MYO1E: variants seen among roughly 807,000 people sequenced by gnomAD.
MYO1E encodes the protein unconventional myosin-Ie.
MYO1E carries 68 observed loss-of-function variants against 151.1 expected under a neutral mutation model. That is an observed-to-expected ratio of 0.45 (90% confidence interval 0.37 to 0.55). MYO1E has a LOEUF of 0.55. MYO1E is among the 20% of genes least tolerant of loss of function. The pLI is 0.00. For missense variants in MYO1E, 1,363 were observed against 1,389.3 expected (o/e 0.98, Z 0.30); for synonymous variants, 601 against 501.7 (o/e 1.20, Z -2.64).
chr15:59,253,901 CTTT>C (rs34819314), intron 4 of MYO1E, among the ~76,000 whole-genome samples: 2 of 135,818 alleles, frequency 1.5e-5, no homozygotes, highest in South Asian at 2.4e-4. Context: ...GACAAACAAC[CTTT>C]TTTTTTTTTT....
In MYO1E at chr15:59,272,474, C is replaced by T. The variant is rs1421924961; in HGVS notation, c.4-25G>A. On this transcript the variant is annotated intron_variant, in intron 1 of 27. Coordinates refer to ENST00000288235, the MANE Select transcript of MYO1E (RefSeq NM_004998.4). ...CCTGGGAACATAAAACATACAATTA[C>T]TAGGATAGTTTGTTTTCCCCTGTAG... The T allele has an allele frequency of 6.8e-6, 11 of 1,613,162 alleles. No homozygotes were observed. The South Asian group carries it at 8.8e-5, about 13-fold the overall frequency.
intron 9 of MYO1E, among the ~76,000 whole-genome samples, chr15:59,221,971 G>A (rs575273897): frequency 1.4e-3 from 213 of 152,250 alleles, no homozygotes; most frequent in Non-Finnish European, 2.7e-3. Flanking sequence ...AAATGTCAAG[G>A]ATAATGTACA....
chr15:59,178,677 G>A, intron 18 of MYO1E, 140 bp from the exon 19 acceptor site: 1 of 1,178,732 alleles, frequency 8.5e-7, no homozygotes, highest in Non-Finnish European at 1.2e-6. Flanking sequence ...AGCGTTCGAA[G>A]GCTCAGGCGT....
At chr15:59,167,305 C>T (rs1209201820) in intron 22 of MYO1E, among the ~76,000 whole-genome samples, 1 of 152,156 alleles carries the variant, frequency 6.6e-6, no homozygotes. Context: ...AACTTTTGGT[C>T]TCATCCTTCT....
intron 2 of MYO1E, 121 bp downstream of exon 2, chr15:59,272,185 C>T (rs1339685604): frequency 6.0e-6 from 7 of 1,157,462 alleles, no homozygotes; most frequent in Non-Finnish European, 9.1e-6. Context: ...GAACTCCTGC[C>T]TTAGCCTTCC....
At chr15:59,188,513 T>C (rs1467034931) in intron 17 of MYO1E, among the ~76,000 whole-genome samples, 4 of 151,990 alleles carry the variant, frequency 2.6e-5, no homozygotes, top group Non-Finnish European at 4.4e-5. Context: ...CTGGCCAACA[T>C]GGTGAAACCC....
At position 59,133,674 on chromosome 15, in the gene MYO1E, A is replaced by G. The variant is rs2079356520; in HGVS notation, c.*3706T>C. On this transcript the variant is annotated 3_prime_UTR_variant, in exon 28 of 28. Transcript: ENST00000288235. The stretch of plus-strand genomic sequence containing the variant: ...TCCTCTGGTCTTTCTTTTGATCACA[A>G]AAGTGAGGGGTGCCAGAAACACAGA... 2 of 152,254 alleles carry G rather than the reference A, an allele frequency of 1.3e-5. No homozygotes were observed. Among genetic ancestry groups the G allele is most frequent in the Admixed American group, 6.5e-5 (1 of 15,290 alleles). The allele number at this position is 152,254 out of a possible 1,614,324, so 9.4% of individuals were successfully genotyped here. A position where few individuals can be genotyped will look rare whatever the true frequency, so the allele number is the denominator to read the frequency against.
chr15:59,202,326 CT>C lies in MYO1E; in HGVS notation c.1697del (p.Lys566ArgfsTer8). On this transcript the variant is annotated frameshift_variant and splice_region_variant, in exon 16 of 28. Coordinates refer to ENST00000288235, the MANE Select transcript of MYO1E (RefSeq NM_004998.4). LOFTEE classifies it high-confidence loss of function. ...GRPTTAGSKI[K>X]KQANDLVSTL... Reference sequence around the variant, plus strand: ...ATAAACTTCCTAAAATAGAACTAACCTTTATTTTGCTTCCGGCAGTAGTTGG... The same window carrying C: ...ATAAACTTCCTAAAATAGAACTAACCTTATTTTGCTTCCGGCAGTAGTTGG... 6.2e-7 allele frequency: 1 copy of C among 1,613,248 alleles called. No individual in the cohort carries two copies. The highest frequency in any genetic ancestry group is 8.5e-7 in the Non-Finnish European group (1 of 1,179,170).
intron 26 of MYO1E, among the ~76,000 whole-genome samples, chr15:59,146,046 G>C (rs77173747): frequency 0.011 from 1,611 of 152,168 alleles, 25 homozygotes; most frequent in Middle Eastern, 0.045. Flanking sequence ...TAGAGACAAG[G>C]TCTTGCTATG....
At chr15:59,274,836 C>T (rs951755206) in intron 1 of MYO1E, among the ~76,000 whole-genome samples, 12 of 152,130 alleles carry the variant, frequency 7.9e-5, no homozygotes, top group Admixed American at 1.3e-4. Flanking sequence ...AAAGCACTCA[C>T]GGTAGAGTTC....
intron 26 of MYO1E, among the ~76,000 whole-genome samples, chr15:59,140,651 TCTCAGGAGCCACAG>T (rs1218483223): frequency 2.0e-4 from 31 of 152,298 alleles, no homozygotes; most frequent in Middle Eastern, 3.4e-3. Context: ...TGAGCTGTGC[TCTCAGGAGCCACAG>T]CCTGCTGGCC....
chr15:59,163,112 CT>C, intron 23 of MYO1E, 44 bp downstream of exon 23: 1 of 1,609,550 alleles, frequency 6.2e-7, no homozygotes, highest in East Asian at 2.2e-5. Context: ...ATCAAGACCC[CT>C]TTTTAGCTAC....
intron 26 of MYO1E, among the ~76,000 whole-genome samples, chr15:59,144,530 A>T (rs2079429478): frequency 6.6e-6 from 1 of 152,012 alleles, no homozygotes. Context: ...CCTGGGCTTA[A>T]GCGATCCTCC....
At chr15:59,191,552 G>C (rs1333920211) in intron 17 of MYO1E, among the ~76,000 whole-genome samples, 1 of 152,086 alleles carries the variant, frequency 6.6e-6, no homozygotes, top group Non-Finnish European at 1.5e-5. Context: ...TTCACGCCAA[G>C]CTTTCGAGGC....
chr15:59,309,644 T>C (rs907539883), intron 1 of MYO1E, among the ~76,000 whole-genome samples: 10 of 150,344 alleles, frequency 6.7e-5, no homozygotes, highest in Non-Finnish European at 1.5e-4. Context: ...TGCCATTCCC[T>C]GAGACATCTA....
chr15:59,221,097 C>A (rs2079953378), intron 9 of MYO1E, among the ~76,000 whole-genome samples: 2 of 148,768 alleles, frequency 1.3e-5, no homozygotes, highest in African/African-American at 5.0e-5. Context: ...TCGCTCGTTG[C>A]CCAGGGTTCA....
chr15:59,261,138 G>A lies in MYO1E; in HGVS notation c.237+282C>T, dbSNP rs12593382. Reference sequence around the variant, plus strand: ...TGAGGCAGGAGAATTGTTTGAACCCGGAAGGCGGAGGTTGCAGTGAGCGGA... The same window carrying A: ...TGAGGCAGGAGAATTGTTTGAACCCAGAAGGCGGAGGTTGCAGTGAGCGGA... On this transcript the variant is annotated intron_variant, in intron 3 of 27. Coordinates refer to ENST00000288235, the MANE Select transcript of MYO1E (RefSeq NM_004998.4). Among the ~76,000 whole-genome samples the A allele has an allele frequency of 0.17, 26,103 of 151,942 alleles. 2,883 individuals are homozygous for A. The highest frequency in any genetic ancestry group is 0.53 in the East Asian group (2,742 of 5,158).
At chr15:59,272,168 T>C (rs1346183093) in intron 2 of MYO1E, 138 bp downstream of exon 2, 3 of 903,050 alleles carry the variant, frequency 3.3e-6, no homozygotes, top group South Asian at 2.7e-5. Flanking sequence ...GTTGCCAGGA[T>C]GGTCTGGAAC....
chr15:59,272,202 C>G, intron 2 of MYO1E, 104 bp downstream of exon 2: 1 of 1,351,472 alleles, frequency 7.4e-7, no homozygotes, highest in Non-Finnish European at 1.1e-6. Context: ...TTCCAAAGTG[C>G]TGGGATTACA....
Sources: gnomAD v4.1 joint callset for allele counts (sites outside exome capture counted in the v4.1 genomes callset) on GRCh38, gnomAD v4.1.1 for gene constraint, MANE v1.5 for transcripts, NCBI Gene and HGNC (gene_info 2026-07-23, HGNC 2026-07-21) for gene names.